The following PLEKHM3 variants were observed in gnomAD, a reference collection of about 807,000 sequenced individuals.
PLEKHM3 encodes pleckstrin homology domain-containing family M member 3.
In PLEKHM3, 45 loss-of-function variants were observed where a neutral mutation model predicts 81.8. That is an observed-to-expected ratio of 0.55 (90% CI 0.43 to 0.71). The LOEUF is 0.71. Among genes scored for constraint, PLEKHM3 ranks in the 30% least tolerant of loss-of-function variants. The pLI is 0.00. For synonymous variants in PLEKHM3, 352 were observed against 356.4 expected (o/e 0.99, Z 0.14); for missense variants, 788 against 924.3 (o/e 0.85, Z 1.91).
chr2:207,940,218 T>C (rs185640083), intron 4 of PLEKHM3, among the ~76,000 whole-genome samples: 3 of 152,324 alleles, frequency 2.0e-5, no homozygotes, highest in African/African-American at 7.2e-5. Context: ...TATATAGATG[T>C]TATGATAATG....
intron 2 of PLEKHM3, among the ~76,000 whole-genome samples, chr2:207,984,028 C>T (rs1691632028): frequency 6.6e-6 from 1 of 152,176 alleles, no homozygotes; most frequent in South Asian, 2.1e-4. Context: ...AGTCCATACT[C>T]CTTAGCTTGG....
intron 6 of PLEKHM3, among the ~76,000 whole-genome samples, chr2:207,864,492 G>C (rs1413867720): frequency 6.6e-6 from 1 of 152,204 alleles, no homozygotes; most frequent in East Asian, 1.9e-4. Flanking sequence ...CATTTAAAGA[G>C]AGGCACTAAC....
At chr2:207,839,070 T>C (rs950504533) in intron 7 of PLEKHM3, among the ~76,000 whole-genome samples, 1 of 152,250 alleles carries the variant, frequency 6.6e-6, no homozygotes, top group East Asian at 1.9e-4. Context: ...TAATGTAAAA[T>C]TGAAACATTT....
intron 1 of PLEKHM3, 77 bp from the exon 2 acceptor site, chr2:208,002,034 T>A (rs954462604): frequency 1.0e-5 from 2 of 190,930 alleles, no homozygotes; most frequent in African/African-American, 2.4e-5. Context: ...CGAATTGCTT[T>A]CCCACCTCTA....
chr2:207,956,036 G>A (rs57429256), intron 3 of PLEKHM3, among the ~76,000 whole-genome samples: 1,704 of 152,148 alleles, frequency 0.011, 34 homozygotes, highest in African/African-American at 0.039. Context: ...GAAAAGGAAC[G>A]TTCATTCATA....
chr2:207,888,299 AAC>A (rs945591013), intron 6 of PLEKHM3, among the ~76,000 whole-genome samples: 2 of 151,882 alleles, frequency 1.3e-5, no homozygotes, highest in African/African-American at 4.8e-5. Context: ...TTGTGCATCA[AAC>A]ACAAACTATT....
chr2:207,936,117 G>A (rs184655337), intron 4 of PLEKHM3, among the ~76,000 whole-genome samples: 2 of 152,330 alleles, frequency 1.3e-5, no homozygotes, highest in African/African-American at 4.8e-5. Context: ...GGAGTAGCTA[G>A]GTAGGACTAC....
At chr2:207,898,766 C>T (rs182269587) in intron 6 of PLEKHM3, among the ~76,000 whole-genome samples, 43 of 152,096 alleles carry the variant, frequency 2.8e-4, no homozygotes, top group Admixed American at 1.0e-3. Context: ...CGTGGTGGCG[C>T]GTGCCTATGG....
At chr2:207,878,236 T>A (rs1194533693) in intron 6 of PLEKHM3, among the ~76,000 whole-genome samples, 8 of 152,172 alleles carry the variant, frequency 5.3e-5, no homozygotes, top group Admixed American at 5.2e-4. Flanking sequence ...CCTAGGCTTT[T>A]AATTCATTGC....
intron 6 of PLEKHM3, among the ~76,000 whole-genome samples, chr2:207,862,586 C>T (rs1238283024): frequency 6.6e-6 from 1 of 151,952 alleles, no homozygotes; most frequent in African/African-American, 2.4e-5. Flanking sequence ...TGCAGTGAGC[C>T]AAGGTCACAC....
chr2:207,962,950 C>T (rs986813208), intron 3 of PLEKHM3, among the ~76,000 whole-genome samples: 4 of 150,442 alleles, frequency 2.7e-5, no homozygotes, highest in Admixed American at 1.3e-4. Context: ...AAGACGTGCC[C>T]GGAAACTTGC....
intron 6 of PLEKHM3, among the ~76,000 whole-genome samples, chr2:207,862,222 C>T (rs1457810520): frequency 6.6e-6 from 1 of 152,218 alleles, no homozygotes; most frequent in Non-Finnish European, 1.5e-5. Context: ...GACACAAATA[C>T]ATGCTGGTTT....
rs1354894052 is a variant in PLEKHM3 at position 207,841,462 on chromosome 2, AAAAAAAAAAAAAAAAAAAATAT to A, written c.2109-12988_2109-12967del. ...AGACTCCATCTCAAAAAAAAAAAAA[AAAAAAAAAAAAAAAAAAAATAT>A]ATATATATATATATATATATATATT... On this transcript the variant is annotated intron_variant, in intron 7 of 7. Coordinates refer to ENST00000427836, the MANE Select transcript of PLEKHM3 (RefSeq NM_001080475.3). 7.5e-3 allele frequency among the ~76,000 whole-genome samples: 495 copies of A among 66,128 alleles called. 20 individuals carry two copies. The highest frequency in any genetic ancestry group is 0.035 in the African/African-American group (469 of 13,260). 43.4% of individuals were successfully genotyped at this position (66,128 alleles called of 152,430 possible).
intron 5 of PLEKHM3, among the ~76,000 whole-genome samples, chr2:207,914,182 A>C (rs1383447024): frequency 2.0e-5 from 3 of 152,006 alleles, no homozygotes; most frequent in Admixed American, 2.0e-4. Flanking sequence ...GCAAGACCCT[A>C]TCTCTAAAAA....
intron 2 of PLEKHM3, among the ~76,000 whole-genome samples, chr2:207,998,106 T>C (rs974359019): frequency 3.3e-5 from 5 of 151,512 alleles, no homozygotes; most frequent in Admixed American, 6.6e-5. Context: ...TGATGGGCAA[T>C]AGGAATATGA....
intron 6 of PLEKHM3, among the ~76,000 whole-genome samples, chr2:207,890,848 A>T (rs185903675): frequency 6.6e-6 from 1 of 152,342 alleles, no homozygotes; most frequent in Admixed American, 6.5e-5. Context: ...TTACCAAAGC[A>T]AATCAACTAC....
chr2:207,835,800 C>A (rs1182759608), intron 7 of PLEKHM3, among the ~76,000 whole-genome samples: 2 of 152,100 alleles, frequency 1.3e-5, no homozygotes, highest in Non-Finnish European at 2.9e-5. Context: ...CTTTTTTAGC[C>A]TTCTCCCAAT....
chr2:207,974,325 T>C (rs1691228233), intron 3 of PLEKHM3, among the ~76,000 whole-genome samples: 1 of 152,216 alleles, frequency 6.6e-6, no homozygotes, highest in African/African-American at 2.4e-5. Flanking sequence ...CCTTCTTACC[T>C]ACATTTCTCC....
rs149652322 is a variant in PLEKHM3, at chr2:207,898,972, G to A, written c.1950+9542C>T. Among the ~76,000 whole-genome samples, 11 of 152,268 alleles carry A rather than the reference G, an allele frequency of 7.2e-5. No homozygotes were observed. The East Asian group carries it at 7.7e-4, about 11-fold the overall frequency. ...GTTGATGGTTCACTAGGCTTTAGCC[G>A]GAAGTTCAAATAAAAGCCAAACAAC... On this transcript the variant is annotated intron_variant, in intron 6 of 7. Transcript: ENST00000427836.
Sources: gnomAD v4.1 joint callset for allele counts (sites outside exome capture counted in the v4.1 genomes callset) on GRCh38, gnomAD v4.1.1 for gene constraint, MANE v1.5 for transcripts, NCBI Gene and HGNC (gene_info 2026-07-23, HGNC 2026-07-21) for gene names.